Variants in NFATC1 observed in about 807,000 individuals in gnomAD.
NFATC1 encodes the protein nuclear factor of activated T-cells, cytoplasmic 1.
NFATC1 carries 22 observed loss-of-function variants against 76.0 expected under a neutral mutation model. The ratio of observed to expected loss-of-function variants is 0.29; its 90% CI spans 0.21 to 0.41. The LOEUF is 0.41. NFATC1 is among the 10% of genes least tolerant of loss of function. The pLI, the probability that NFATC1 is intolerant of heterozygous loss-of-function variation, is 1.00. For missense variants in NFATC1, 1,357 were observed against 1,337.7 expected (o/e 1.01, Z -0.23); for synonymous variants, 704 against 613.1 (o/e 1.15, Z -2.19).
intron 5 of NFATC1, 49 bp from the exon 6 acceptor site, chr18:79,451,605 TGGGTGCCACACGTGTGCCCCAG>T: frequency 6.3e-6 from 9 of 1,418,490 alleles, no homozygotes; most frequent in Non-Finnish European, 8.3e-6. Context: ...TGTGACCTGC[TGGGTGCCACACGTGTGCCCCAG>T]GCCGCCCACT....
intron 6 of NFATC1, among the ~76,000 whole-genome samples, chr18:79,459,363 C>T (rs1052784309): frequency 6.6e-6 from 1 of 152,190 alleles, no homozygotes; most frequent in Non-Finnish European, 1.5e-5. Context: ...CTCACCGCTG[C>T]GGGGCAGCCA....
chr18:79,482,947 G>C (rs2089345996), intron 8 of NFATC1, among the ~76,000 whole-genome samples: 2 of 139,408 alleles, frequency 1.4e-5, no homozygotes, highest in Non-Finnish European at 3.1e-5. Context: ...TTCCTGGGGT[G>C]TAATTCCAGC....
At chr18:79,467,684 C>T (rs1210133977) in intron 8 of NFATC1, 102 bp downstream of exon 8, 2 of 1,546,980 alleles carry the variant, frequency 1.3e-6, no homozygotes, top group Non-Finnish European at 1.7e-6. Flanking sequence ...TGGCGTGTTG[C>T]ACATTTAACT....
intron 8 of NFATC1, among the ~76,000 whole-genome samples, chr18:79,483,238 G>A (rs1325434170): frequency 7.0e-6 from 1 of 142,300 alleles, no homozygotes; most frequent in Non-Finnish European, 1.5e-5. Flanking sequence ...TGGTCCTGGG[G>A]TGTCACTCCA....
chr18:79,490,095 C>A (rs969144402), intron 9 of NFATC1, among the ~76,000 whole-genome samples: 3 of 152,300 alleles, frequency 2.0e-5, no homozygotes, highest in South Asian at 2.1e-4. Flanking sequence ...ATCTCCCCCC[C>A]GCCCCCGCCC....
At chr18:79,450,586 C>G (rs561478725) in intron 4 of NFATC1, among the ~76,000 whole-genome samples, 1 of 152,282 alleles carries the variant, frequency 6.6e-6, no homozygotes, top group African/African-American at 2.4e-5. Flanking sequence ...TCCCCGTATA[C>G]GTGGCCAGCG....
intron 9 of NFATC1, among the ~76,000 whole-genome samples, chr18:79,513,717 A>C (rs1274078249): frequency 6.6e-6 from 1 of 152,174 alleles, no homozygotes; most frequent in Non-Finnish European, 1.5e-5. Context: ...CCCAGACATT[A>C]CTGGGGCTGC....
intron 6 of NFATC1, among the ~76,000 whole-genome samples, chr18:79,457,837 C>T (rs1310479094): frequency 1.3e-5 from 2 of 152,160 alleles, no homozygotes; most frequent in East Asian, 3.9e-4. Flanking sequence ...CTGGCAGCTT[C>T]TGTGGAGCGT....
intron 2 of NFATC1, among the ~76,000 whole-genome samples, chr18:79,411,758 C>G (rs928186230): frequency 1.3e-5 from 2 of 152,254 alleles, no homozygotes; most frequent in Admixed American, 1.3e-4. Flanking sequence ...TCCAGATCCT[C>G]TCGGGCCCTG....
intron 9 of NFATC1, among the ~76,000 whole-genome samples, chr18:79,491,690 C>G (rs1406096919): frequency 6.6e-6 from 1 of 152,236 alleles, no homozygotes; most frequent in Non-Finnish European, 1.5e-5. Flanking sequence ...GCCGCCACCT[C>G]CAGGGACAAC....
At position 79,472,559 on chromosome 18, in the gene NFATC1, G is replaced by A. The variant is rs997375112; in HGVS notation, c.2092+4977G>A. ...CTTGAGGTCTCTGCAGATGCTCAGC[G>A]GCCCCAAATCACCCTTTCGCTGCCA... On this transcript the variant is annotated intron_variant, in intron 8 of 9. Coordinates refer to ENST00000427363, the MANE Select transcript of NFATC1 (RefSeq NM_001278669.2). 7.9e-5 allele frequency among the ~76,000 whole-genome samples: 12 copies of A among 152,304 alleles called. No individual in the cohort carries two copies. In the South Asian group the frequency reaches 1.9e-3, roughly 24 times the overall value.
chr18:79,429,205 A>C (rs1422788536), intron 2 of NFATC1, among the ~76,000 whole-genome samples: 1 of 141,660 alleles, frequency 7.1e-6, no homozygotes, highest in Non-Finnish European at 1.5e-5. Context: ...TGGGCCACAG[A>C]GCGGGACTCC....
chr18:79,467,030 C>T (rs1293159090), intron 7 of NFATC1, among the ~76,000 whole-genome samples: 1 of 152,260 alleles, frequency 6.6e-6, no homozygotes, highest in African/African-American at 2.4e-5. Context: ...CACCCGGTCC[C>T]AGTTCTGTTT....
chr18:79,497,112 G>C (rs1015305636), intron 9 of NFATC1: 7 of 152,392 alleles, frequency 4.6e-5, no homozygotes, highest in African/African-American at 1.4e-4. Flanking sequence ...CATGGTGTCT[G>C]TTTTTCTTCA....
chr18:79,473,745 C>T (rs1276626488), intron 8 of NFATC1, among the ~76,000 whole-genome samples: 2 of 149,660 alleles, frequency 1.3e-5, no homozygotes, highest in East Asian at 2.0e-4. Flanking sequence ...TCACTGTCGA[C>T]GTTGTGAGGG....
intron 1 of NFATC1, among the ~76,000 whole-genome samples, chr18:79,401,514 G>A (rs1420018371): frequency 6.6e-6 from 1 of 152,362 alleles, no homozygotes; most frequent in East Asian, 1.9e-4. Context: ...AGATGAGGGT[G>A]GGAGAGAGAC....
Position 79,410,926 on chromosome 18 carries a change from C to A in NFATC1, c.651C>A (p.Pro217=), listed in dbSNP as rs1474893321. ...SPCVSPKTTD[P]EEGFPRGLGA... is the part of the protein sequence containing the mutation. ...GCGTGTCTCCCAAGACCACGGACCCCGAGGAGGGCTTTCCCCGCGGGCTGG... is the reference window on the plus strand; with the variant it reads ...GCGTGTCTCCCAAGACCACGGACCCAGAGGAGGGCTTTCCCCGCGGGCTGG... The change falls in exon 2 of 10, where the codon CCC becomes CCA. Residue 217 remains proline, a synonymous_variant. Coordinates refer to ENST00000427363, the MANE Select transcript of NFATC1 (RefSeq NM_001278669.2). This position sits in a 1 kb window ranked among gnomAD's most constrained non-coding sequence, Gnocchi z 6.7. The A allele has an allele frequency of 1.2e-6, 2 of 1,605,434 alleles. No individual in the cohort carries two copies. The highest frequency in any genetic ancestry group is 1.7e-6 in the Non-Finnish European group (2 of 1,176,954).
At chr18:79,402,285 T>A (rs1013315891) in intron 1 of NFATC1, 2 of 974,166 alleles carry the variant, frequency 2.1e-6, no homozygotes, top group Non-Finnish European at 2.4e-6. Flanking sequence ...ATACACCATT[T>A]TGAGGTGGGC....
intron 7 of NFATC1, 52 bp downstream of exon 7, chr18:79,461,418 G>C (rs2088078275): frequency 5.6e-6 from 9 of 1,602,114 alleles, no homozygotes; most frequent in Non-Finnish European, 7.7e-6. Flanking sequence ...GGGCTTGGGA[G>C]GCTGGGGTCT....
Sources: allele counts gnomAD v4.1 joint callset (sites outside exome capture counted in the v4.1 genomes callset), GRCh38; gene constraint gnomAD v4.1.1; non-coding constraint Gnocchi (gnomAD v3.1); transcripts MANE v1.5; gene names NCBI Gene and HGNC (gene_info 2026-07-23, HGNC 2026-07-21).